The following CDKAL1 variants were observed in gnomAD, a reference collection of about 807,000 sequenced individuals.
CDKAL1 encodes threonylcarbamoyladenosine tRNA methylthiotransferase.
A neutral mutation model predicts 68.2 loss-of-function variants in CDKAL1; 32 were observed. The observed-to-expected ratio is 0.47, with a 90% confidence interval of 0.35 to 0.63. The LOEUF (loss-of-function observed/expected upper bound fraction) is 0.63, where lower values mean the gene tolerates loss of function less well. CDKAL1 is among the 30% of genes least tolerant of loss of function. The pLI, the probability that CDKAL1 is intolerant of heterozygous loss-of-function variation, is 0.00. For missense variants in CDKAL1, 606 were observed against 696.7 expected (o/e 0.87, Z 1.47); for synonymous variants, 234 against 244.3 (o/e 0.96, Z 0.39).
intron 13 of CDKAL1, among the ~76,000 whole-genome samples, chr6:21,117,166 TC>T (rs1345119000): frequency 6.6e-6 from 1 of 152,058 alleles, no homozygotes; most frequent in African/African-American, 2.4e-5. Context: ...ACCTTTCTTA[TC>T]CCCATCCAGA....
intron 8 of CDKAL1, among the ~76,000 whole-genome samples, chr6:20,810,113 T>TA (rs1394637030): frequency 6.6e-6 from 1 of 152,090 alleles, no homozygotes; most frequent in African/African-American, 2.4e-5. Flanking sequence ...TTAACTCTTT[T>TA]AAACCATTAT....
intron 9 of CDKAL1, among the ~76,000 whole-genome samples, chr6:20,859,605 G>A (rs1487262052): frequency 6.6e-6 from 1 of 152,124 alleles, no homozygotes; most frequent in Non-Finnish European, 1.5e-5. Context: ...TATCTTTTTG[G>A]AAAGACAATT....
intron 4 of CDKAL1, among the ~76,000 whole-genome samples, chr6:20,551,961 T>G (rs1020128256): frequency 1.5e-4 from 22 of 150,692 alleles, no homozygotes; most frequent in Non-Finnish European, 1.5e-5. Flanking sequence ...GCTCCTGGGC[T>G]CAAGTGGTCC....
chr6:20,813,967 C>T (rs1055728894), intron 8 of CDKAL1, among the ~76,000 whole-genome samples: 2 of 151,890 alleles, frequency 1.3e-5, no homozygotes, highest in African/African-American at 2.4e-5. Context: ...AAAAATGCCT[C>T]TTTTATTATT....
chr6:21,180,349 T>A (rs188027466), intron 13 of CDKAL1, among the ~76,000 whole-genome samples: 3 of 144,000 alleles, frequency 2.1e-5, no homozygotes, highest in African/African-American at 8.8e-5. Flanking sequence ...AGTTTCTTTT[T>A]TTTTTTTTTT....
rs1247253312 is a variant in CDKAL1, at chr6:21,087,697, G to GGTCAATGGT, written c.1237-20703_1237-20695dup. ...AGCATTTTATCTAACCCTAACTCTT[G>GGTCAATGGT]GTCAATGGTTCTTAACATTTTTTGA... On this transcript the variant is annotated intron_variant, in intron 12 of 15. Coordinates refer to ENST00000274695, the MANE Select transcript of CDKAL1 (RefSeq NM_017774.3). 3.3e-5 allele frequency among the ~76,000 whole-genome samples: 5 copies of GGTCAATGGT among 151,842 alleles called. No individual in the cohort carries two copies. In the East Asian group the frequency reaches 9.6e-4, roughly 29 times the overall value.
chr6:20,883,712 A>G (rs192550976), intron 9 of CDKAL1, among the ~76,000 whole-genome samples: 1 of 152,350 alleles, frequency 6.6e-6, no homozygotes, highest in East Asian at 1.9e-4. Flanking sequence ...ATAAAGTACA[A>G]TATTATCATA....
At chr6:20,567,455 A>C (rs1764506964) in intron 4 of CDKAL1, among the ~76,000 whole-genome samples, 1 of 152,086 alleles carries the variant, frequency 6.6e-6, no homozygotes, top group Non-Finnish European at 1.5e-5. Context: ...TTAAGCACAC[A>C]TTTAGTCCAT....
intron 12 of CDKAL1, among the ~76,000 whole-genome samples, chr6:21,085,048 A>C (rs1365117038): frequency 6.6e-6 from 1 of 152,236 alleles, no homozygotes; most frequent in Non-Finnish European, 1.5e-5. Context: ...TCCTATTAAC[A>C]AACCTAAAGA....
At chr6:20,649,254 G>A (rs771473833) in intron 4 of CDKAL1, 39 bp from the exon 5 acceptor site, 3 of 1,343,470 alleles carry the variant, frequency 2.2e-6, no homozygotes, top group African/African-American at 2.9e-5. Context: ...ATGATTAAGT[G>A]TGCTACTTAC....
In CDKAL1 at chr6:21,127,833, A is replaced by G. The variant is rs12055489; in HGVS notation, c.1299+19370A>G. ...ATTTATGAGTTTAAGCTTTTTTGCA[A>G]ATGTTAAAACTGGCTTTACTAAATA... On this transcript the variant is annotated intron_variant, in intron 13 of 15. Transcript: ENST00000274695. Among the ~76,000 whole-genome samples, 4,711 of 152,298 alleles carry G rather than the reference A, an allele frequency of 0.031. 378 individuals are homozygous for G. The East Asian group carries it at 0.33, about 11-fold the overall frequency.
At chr6:20,842,237 A>AT (rs1413378245) in intron 8 of CDKAL1, among the ~76,000 whole-genome samples, 1 of 152,032 alleles carries the variant, frequency 6.6e-6, no homozygotes, top group Non-Finnish European at 1.5e-5. Flanking sequence ...TTCTTTTCTG[A>AT]TTTTACACTG....
At chr6:20,772,771 C>T (rs922038110) in intron 7 of CDKAL1, 3 of 152,020 alleles carry the variant, frequency 2.0e-5, no homozygotes, top group African/African-American at 7.2e-5. Context: ...TTTTGTACAG[C>T]AGGAGTTTTG....
chr6:21,229,039 AG>A (rs1409428810), intron 15 of CDKAL1, among the ~76,000 whole-genome samples: 3 of 152,176 alleles, frequency 2.0e-5, no homozygotes, highest in Non-Finnish European at 4.4e-5. Context: ...GAGTGCAGGG[AG>A]ACCAGCAGGA....
At chr6:20,932,368 A>T (rs1009783411) in intron 9 of CDKAL1, among the ~76,000 whole-genome samples, 11 of 152,184 alleles carry the variant, frequency 7.2e-5, no homozygotes, top group African/African-American at 2.7e-4. Flanking sequence ...CTACCTAATT[A>T]GAATCGTGTC....
At chr6:20,696,613 A>G (rs966841758) in intron 5 of CDKAL1, among the ~76,000 whole-genome samples, 3 of 152,246 alleles carry the variant, frequency 2.0e-5, no homozygotes, top group Non-Finnish European at 4.4e-5. Context: ...TAGCTTTTAA[A>G]AAGTATTTTA....
At chr6:20,888,941 G>A (rs1276791246) in intron 9 of CDKAL1, among the ~76,000 whole-genome samples, 4 of 152,142 alleles carry the variant, frequency 2.6e-5, no homozygotes, top group Admixed American at 6.5e-5. Context: ...CTGAGGAATC[G>A]TCACACTGAC....
intron 6 of CDKAL1, among the ~76,000 whole-genome samples, chr6:20,744,410 G>A (rs1223915154): frequency 6.6e-6 from 1 of 152,148 alleles, no homozygotes; most frequent in Non-Finnish European, 1.5e-5. Flanking sequence ...TGTGCTTGGT[G>A]TACTGTTCCT....
intron 13 of CDKAL1, among the ~76,000 whole-genome samples, chr6:21,169,315 G>A (rs1321953141): frequency 6.6e-6 from 1 of 152,184 alleles, no homozygotes; most frequent in African/African-American, 2.4e-5. Flanking sequence ...TCTGTTTTCT[G>A]ACAAGATGAA....
Sources: gnomAD v4.1 joint callset for allele counts (sites outside exome capture counted in the v4.1 genomes callset) on GRCh38, gnomAD v4.1.1 for gene constraint, MANE v1.5 for transcripts, NCBI Gene and HGNC (gene_info 2026-07-23, HGNC 2026-07-21) for gene names.